Variants in MAP3K19 observed in about 807,000 individuals in gnomAD.
The protein encoded by MAP3K19 is mitogen-activated protein kinase kinase kinase 19.
MAP3K19 carries 91 observed loss-of-function variants against 114.4 expected under a neutral mutation model. The ratio of observed to expected loss-of-function variants is 0.80; its 90% CI spans 0.67 to 0.95. The LOEUF (loss-of-function observed/expected upper bound fraction) is 0.95. Ranked by LOEUF, MAP3K19 falls within the 40% of genes least tolerant of loss-of-function variation. The pLI is 0.00. For synonymous variants in MAP3K19, 518 were observed against 530.5 expected, an observed-to-expected ratio of 0.98 and a Z score of 0.32; for missense variants, 1,471 against 1,573.2, an observed-to-expected ratio of 0.94 and a Z score of 1.10.
At chr2:135,039,626 T>C (rs1325062952) in intron 2 of MAP3K19, among the ~76,000 whole-genome samples, 1 of 152,124 alleles carries the variant, frequency 6.6e-6, no homozygotes, top group African/African-American at 2.4e-5. Flanking sequence ...CAAGAACTTA[T>C]AGAGGCATCA....
At chr2:134,989,410 G>T (rs965474109) in intron 9 of MAP3K19, among the ~76,000 whole-genome samples, 3 of 152,204 alleles carry the variant, frequency 2.0e-5, no homozygotes, top group African/African-American at 7.2e-5. Flanking sequence ...GAAGGAAATG[G>T]AACCTGACTC....
intron 12 of MAP3K19, among the ~76,000 whole-genome samples, chr2:134,977,792 T>C (rs548946235): frequency 6.6e-6 from 1 of 152,312 alleles, no homozygotes; most frequent in African/African-American, 2.4e-5. Context: ...CCACTGCGCC[T>C]GGCCCATCCC....
Position 134,986,127 on chromosome 2 carries a change from T to C in MAP3K19, c.2745A>G (p.Ala915=), listed in dbSNP as rs1685082666. Residue 915 remains alanine (A), a synonymous_variant, in exon 10 of 13, where the codon GCA becomes GCG. Transcript: ENST00000392915. The part of the protein sequence containing the change: ...NFSFQAKQES[A]SSQTYQYWVH... ...CCCAATATTGATATGTCTGGGAAGA[T>C]GCACTTTCTTGTTTTGCTTGGAAAG... 6.2e-7 allele frequency: 1 copy of C among 1,614,050 alleles called. No homozygotes were observed. Among genetic ancestry groups the C allele is most frequent in the Non-Finnish European group, 8.5e-7 (1 of 1,179,942 alleles).
intron 9 of MAP3K19, among the ~76,000 whole-genome samples, chr2:134,988,655 G>T (rs1456086232): frequency 6.6e-6 from 1 of 152,106 alleles, no homozygotes; most frequent in East Asian, 1.9e-4. Context: ...CTCCCAAAAT[G>T]CTGGAATTAC....
Position 134,987,330 on chromosome 2 carries a change from G to A in MAP3K19, c.1542C>T (p.Asn514=), listed in dbSNP as rs150935660. 5 of 1,614,002 alleles carry A rather than the reference G, an allele frequency of 3.1e-6. No individual in the cohort carries two copies. Among genetic ancestry groups the A allele is most frequent in the Non-Finnish European group, 4.2e-6 (5 of 1,180,020 alleles). The change falls in exon 10 of 13, where the codon AAC becomes AAT. Residue 514 remains asparagine (N), a synonymous_variant. Transcript: ENST00000392915. The stretch of plus-strand genomic sequence containing the variant: ...GTACAGGTATGTTGACACTATGGTT[G>A]TTATGAATGGTTCCCTTTCTTGTTT... ...SLQTRKGTIH[N]NHSVNIPVHQ...
intron 1 of MAP3K19, among the ~76,000 whole-genome samples, chr2:135,044,571 CA>C (rs1376928485): frequency 2.0e-5 from 3 of 152,112 alleles, no homozygotes; most frequent in African/African-American, 7.2e-5. Flanking sequence ...GCCTGGGCAA[CA>C]AGAGTGAAAC....
chr2:134,996,522 T>C (rs572814918), intron 8 of MAP3K19, among the ~76,000 whole-genome samples: 2 of 152,254 alleles, frequency 1.3e-5, no homozygotes, highest in South Asian at 2.1e-4. Flanking sequence ...CAGGATCCTA[T>C]AGCGGAACAA....
chr2:135,046,973 G>A (rs972020663), intron 1 of MAP3K19, among the ~76,000 whole-genome samples: 29 of 152,152 alleles, frequency 1.9e-4, no homozygotes, highest in African/African-American at 6.5e-4. Flanking sequence ...TGGTCTAGAG[G>A]TGCCTGCATA....
intron 2 of MAP3K19, among the ~76,000 whole-genome samples, chr2:135,037,492 G>C (rs1210049217): frequency 2.0e-5 from 3 of 152,178 alleles, no homozygotes; most frequent in African/African-American, 7.2e-5. Context: ...AGATTAATCA[G>C]AGTGGCCAAG....
intron 12 of MAP3K19, among the ~76,000 whole-genome samples, chr2:134,970,599 T>TA (rs200495572): frequency 0.31 from 44,935 of 147,178 alleles, 7,823 homozygotes; most frequent in Middle Eastern, 0.61. Flanking sequence ...GAATGCCTTT[T>TA]TTTTTTTTTT....
intron 1 of MAP3K19, among the ~76,000 whole-genome samples, chr2:135,042,871 C>T (rs1688673494): frequency 6.6e-6 from 1 of 152,068 alleles, no homozygotes. Context: ...CACCTGAGTT[C>T]GGGAGTTCAA....
chr2:135,015,660 C>T (rs1048837154), intron 5 of MAP3K19, among the ~76,000 whole-genome samples: 12 of 151,990 alleles, frequency 7.9e-5, no homozygotes, highest in South Asian at 2.1e-4. Context: ...TTTAGGAGGC[C>T]GAGGTGGGTG....
intron 3 of MAP3K19, among the ~76,000 whole-genome samples, chr2:135,025,372 C>CTTTTTTTTTTTTTTTT (rs1054458367): frequency 2.9e-5 from 2 of 70,136 alleles, no homozygotes; most frequent in Non-Finnish European, 5.2e-5. Flanking sequence ...ATGGCCTTTT[C>CTTTTTTTTTTTTTTTT]TTTTCTTTTT....
At chr2:135,037,249 C>T (rs1451225492) in intron 2 of MAP3K19, among the ~76,000 whole-genome samples, 6 of 152,208 alleles carry the variant, frequency 3.9e-5, no homozygotes, top group African/African-American at 9.6e-5. Flanking sequence ...CCACCTGCCT[C>T]GGCCTCCCAA....
chr2:134,969,007 G>A (rs1004935270), intron 12 of MAP3K19, among the ~76,000 whole-genome samples: 1 of 152,200 alleles, frequency 6.6e-6, no homozygotes, highest in African/African-American at 2.4e-5. Context: ...GCTGCTGGGA[G>A]GTGGAGGTTG....
At chr2:134,997,231 C>G (rs1316933137) in intron 8 of MAP3K19, among the ~76,000 whole-genome samples, 1 of 152,140 alleles carries the variant, frequency 6.6e-6, no homozygotes, top group African/African-American at 2.4e-5. Context: ...TGAAACAAGC[C>G]AGACACAGGA....
At chr2:135,042,109 A>C (rs1688657181) in intron 1 of MAP3K19, among the ~76,000 whole-genome samples, 1 of 152,216 alleles carries the variant, frequency 6.6e-6, no homozygotes, top group Admixed American at 6.5e-5. Flanking sequence ...AAAATACAAG[A>C]AAGAACACAC....
Sources: gnomAD v4.1 joint callset for allele counts (sites outside exome capture counted in the v4.1 genomes callset) on GRCh38, gnomAD v4.1.1 for gene constraint, MANE v1.5 for transcripts, NCBI Gene and HGNC (gene_info 2026-07-23, HGNC 2026-07-21) for gene names.